Variants in TTBK2 observed in about 807,000 individuals in gnomAD.
TTBK2 encodes the protein tau tubulin kinase 2.
A neutral mutation model predicts 110.8 loss-of-function variants in TTBK2; 28 were observed. That is an observed-to-expected ratio of 0.25 (90% CI 0.19 to 0.35). The LOEUF is 0.35. Ranked by LOEUF, TTBK2 falls within the 10% of genes least tolerant of loss-of-function variation. The probability of loss-of-function intolerance (pLI) is 1.00; values close to 1 mark genes in which losing one functional copy is unlikely to be tolerated. For missense variants in TTBK2, 1,369 were observed against 1,500.3 expected (o/e 0.91, Z 1.45); for synonymous variants, 532 against 527.3 (o/e 1.01, Z -0.12).
At chr15:42,886,501 G>T (rs746240953) in intron 1 of TTBK2, among the ~76,000 whole-genome samples, 2 of 152,078 alleles carry the variant, frequency 1.3e-5, no homozygotes, top group African/African-American at 2.4e-5. Flanking sequence ...ACTCTTAGAC[G>T]CTTTACCGCC....
intron 3 of TTBK2, among the ~76,000 whole-genome samples, chr15:42,841,541 G>A (rs1488594670): frequency 1.3e-5 from 2 of 152,106 alleles, no homozygotes; most frequent in Non-Finnish European, 2.9e-5. Context: ...CCTAAAGCAG[G>A]TAGGGCATGG....
intron 13 of TTBK2, among the ~76,000 whole-genome samples, chr15:42,762,687 C>G (rs1395094388): frequency 6.6e-6 from 1 of 152,090 alleles, no homozygotes; most frequent in Non-Finnish European, 1.5e-5. Context: ...CACTGTACTC[C>G]AGCCTGGGTG....
chr15:42,775,758 T>A lies in TTBK2; in HGVS notation c.1410-35A>T, dbSNP rs370152263. The A allele has an allele frequency of 3.3e-6, 5 of 1,531,074 alleles. No homozygotes were observed. The African/African-American group carries it at 6.9e-5, about 21-fold the overall frequency. The allele number at this position is 1,531,074 out of a possible 1,614,324, so 94.8% of individuals were successfully genotyped here. On this transcript the variant is annotated intron_variant, in intron 12 of 14. Coordinates refer to ENST00000267890, the MANE Select transcript of TTBK2 (RefSeq NM_173500.4). ...ATGGAAAGAAGTTACTCAACTGTCC[T>A]AAGGAAACATTTATTATATAATATA...
At chr15:42,917,906 T>G (rs917613977) in intron 1 of TTBK2, among the ~76,000 whole-genome samples, 1 of 152,250 alleles carries the variant, frequency 6.6e-6, no homozygotes, top group Middle Eastern at 3.4e-3. Flanking sequence ...TGCTATATAT[T>G]TGTAAAAGAA....
At position 42,752,662 on chromosome 15, in the gene TTBK2, G is replaced by A. The variant is rs756302462; in HGVS notation, c.2584C>T (p.His862Tyr). Residue 862 changes from histidine to tyrosine, a missense_variant, in exon 14 of 15, where the codon CAT becomes TAT. Physicochemically the swap from His to Tyr is moderately conservative, Grantham distance 83 (BLOSUM62 2). Transcript: ENST00000267890. ...ACTTGGCCTATCTGACCTTCAACAT[G>A]TGGGTCAATGTCTCTGGAAGAAATT... Reference protein sequence around the residue: ...SEISSRDIDPHVEGQIGQVAE... With the variant: ...SEISSRDIDPYVEGQIGQVAE... 2 of 1,613,960 alleles carry A rather than the reference G, an allele frequency of 1.2e-6. No individual in the cohort carries two copies. Among genetic ancestry groups the A allele is most frequent in the African/African-American group, 1.3e-5 (1 of 74,896 alleles).
intron 12 of TTBK2, among the ~76,000 whole-genome samples, chr15:42,776,738 T>C (rs1889941888): frequency 6.6e-6 from 1 of 152,250 alleles, no homozygotes; most frequent in Non-Finnish European, 1.5e-5. Flanking sequence ...ACAAAGTTAC[T>C]GTAAAAATGT....
rs1383395073 is a variant in TTBK2 at position 42,745,983 on chromosome 15, G to A, written c.3547C>T (p.Pro1183Ser). Residue 1183 changes from proline (P) to serine (S), a missense_variant, in exon 15 of 15, where the codon CCA (proline) becomes TCA (serine). Pro to Ser is a moderately conservative substitution (Grantham distance 74, BLOSUM62 -1). Around this residue, in one of 4 missense-constraint regions of TTBK2, gnomAD observed 1,097 missense variants for 1,114.7 expected, o/e 0.98. Transcript: ENST00000267890. ...RPHHDQRSSS[P>S]HLGRSKSPPS... is the part of the protein sequence containing the mutation. ...GGTGACTTGCTTCTCCCCAGATGTG[G>A]GGACGAACTCCTCTGGTCATGGTGG... 1 of 1,614,110 alleles carries A rather than the reference G, an allele frequency of 6.2e-7. No homozygotes were observed. The highest frequency in any genetic ancestry group is 1.1e-5 in the South Asian group (1 of 91,054).
chr15:42,912,877 G>A (rs912393276), intron 1 of TTBK2, among the ~76,000 whole-genome samples: 1 of 152,002 alleles, frequency 6.6e-6, no homozygotes, highest in African/African-American at 2.4e-5. Flanking sequence ...TGTAATCCCA[G>A]CACTTTGGGA....
At chr15:42,810,232 T>C (rs572838120) in intron 9 of TTBK2, among the ~76,000 whole-genome samples, 35 of 152,342 alleles carry the variant, frequency 2.3e-4, no homozygotes, top group South Asian at 4.1e-4. Context: ...ACATATGATA[T>C]GCTGCCCTAA....
chr15:42,911,930 T>C (rs1388244177), intron 1 of TTBK2, among the ~76,000 whole-genome samples: 1 of 151,076 alleles, frequency 6.6e-6, no homozygotes, highest in Non-Finnish European at 1.5e-5. Context: ...ACATGAAATA[T>C]ACTAACACTA....
At position 42,775,253 on chromosome 15, in the gene TTBK2, G is replaced by A. The variant is rs772352231; in HGVS notation, c.1880C>T (p.Thr627Ile). The stretch of plus-strand genomic sequence containing the variant: ...ATCTGTATATTGTTCTGAAGCAGCA[G>A]TAGGAGGACCCTCTGCAGAAAGTGC... ...VLALSAEGPP[T>I]AASEQYTDRL... The change falls in exon 13 of 15, where the codon ACT (threonine) becomes ATT (isoleucine). Residue 627 changes from threonine (T) to isoleucine (I), a missense_variant. Around this residue, in one of 4 missense-constraint regions of TTBK2, gnomAD observed 1,097 missense variants for 1,114.7 expected, o/e 0.98. Transcript: ENST00000267890. 10 of 1,614,130 alleles carry A rather than the reference G, an allele frequency of 6.2e-6. No homozygotes were observed. The highest frequency in any genetic ancestry group is 1.7e-5 in the Admixed American group (1 of 60,008).
intron 3 of TTBK2, among the ~76,000 whole-genome samples, chr15:42,872,368 C>T (rs1894647349): frequency 1.3e-5 from 2 of 152,186 alleles, no homozygotes; most frequent in Admixed American, 1.3e-4. Flanking sequence ...CTAATTCACA[C>T]TCTCTTATCC....
At chr15:42,910,705 C>T (rs1054692369) in intron 1 of TTBK2, among the ~76,000 whole-genome samples, 13 of 152,064 alleles carry the variant, frequency 8.5e-5, no homozygotes, top group African/African-American at 2.7e-4. Context: ...AATGAGAACA[C>T]ATAATACAAA....
chr15:42,906,232 C>T (rs16957264), intron 1 of TTBK2, among the ~76,000 whole-genome samples: 11,827 of 152,016 alleles, frequency 0.078, 605 homozygotes, highest in Middle Eastern at 0.13. Context: ...TGCATGTTTC[C>T]TAAACAACAG....
intron 6 of TTBK2, among the ~76,000 whole-genome samples, chr15:42,820,749 C>G (rs1318784933): frequency 1.3e-5 from 2 of 151,690 alleles, no homozygotes; most frequent in African/African-American, 4.8e-5. Context: ...GGCTATAATT[C>G]CAGAATTTGG....
At chr15:42,862,056 C>A (rs1894178486) in intron 3 of TTBK2, among the ~76,000 whole-genome samples, 1 of 152,192 alleles carries the variant, frequency 6.6e-6, no homozygotes, top group African/African-American at 2.4e-5. Context: ...AAAACCTGAA[C>A]AGACCAACAA....
chr15:42,908,718 G>T (rs2030564773), intron 1 of TTBK2, among the ~76,000 whole-genome samples: 1 of 152,122 alleles, frequency 6.6e-6, no homozygotes, highest in Non-Finnish European at 1.5e-5. Context: ...TATTATAAAA[G>T]AAAGCTGAAG....
intron 13 of TTBK2, among the ~76,000 whole-genome samples, chr15:42,760,381 T>C: frequency 2.7e-5 from 1 of 36,664 alleles, no homozygotes; most frequent in African/African-American, 1.5e-4. Flanking sequence ...TGAGACTCCA[T>C]CTCAAAAAAA....
intron 3 of TTBK2, among the ~76,000 whole-genome samples, chr15:42,843,647 T>G (rs1893324124): frequency 6.7e-6 from 1 of 148,600 alleles, no homozygotes; most frequent in Admixed American, 6.9e-5. Flanking sequence ...TAGTCCCAGC[T>G]ACTCAAGAGG....
Sources: allele counts gnomAD v4.1 joint callset (sites outside exome capture counted in the v4.1 genomes callset), GRCh38; gene constraint gnomAD v4.1.1; regional missense constraint gnomAD v4.1.1; transcripts MANE v1.5; gene names NCBI Gene and HGNC (gene_info 2026-07-23, HGNC 2026-07-21).